The following ZNF692 variants were observed in gnomAD, a reference collection of about 807,000 sequenced individuals.
The protein encoded by ZNF692 is AICAR responsive element binding protein.
ZNF692 carries 41 observed loss-of-function variants against 49.0 expected under a neutral mutation model. The ratio of observed to expected loss-of-function variants is 0.84; its 90% CI spans 0.65 to 1.08. ZNF692 has a LOEUF of 1.08. ZNF692 is among the 50% of genes least tolerant of loss of function. The pLI is 0.00. For synonymous variants in ZNF692, 288 were observed against 251.5 expected (o/e 1.15, Z -1.37); for missense variants, 662 against 662.2 (o/e 1.00, Z 0.00).
At position 248,850,610 on chromosome 1, in the gene ZNF692, TATA is replaced by T. The variant is rs578119671; in HGVS notation, c.1253+69_1253+71del. On this transcript the variant is annotated intron_variant, in intron 11 of 11. Transcript: ENST00000306601. ...CCTGCTCCCCACTGCCTAGGTGTCCTATATGCCTAGCTTCCAGACTCCACCTCC... is the reference window on the plus strand; with the variant it reads ...CCTGCTCCCCACTGCCTAGGTGTCCTTGCCTAGCTTCCAGACTCCACCTCC... 2.8e-5 allele frequency: 45 copies of T among 1,603,434 alleles called. No individual in the cohort carries two copies. The East Asian group carries it at 8.7e-4, about 31-fold the overall frequency.
At position 248,855,797 on chromosome 1, in the gene ZNF692, G is replaced by T; in HGVS notation, c.809C>A (p.Pro270His). Residue 270 changes from proline (P) to histidine (H), a missense_variant, in exon 7 of 12, where the codon CCT becomes CAT. By Grantham distance (77) the Pro-to-His change is moderately conservative (BLOSUM62 -2). Transcript: ENST00000306601. ...CTGTGGCTGCACCCTGACTTCTGCAGGTGGAGGAGCTCTGGAACTCAATGA... is the reference window on the plus strand; with the variant it reads ...CTGTGGCTGCACCCTGACTTCTGCATGTGGAGGAGCTCTGGAACTCAATGA... The part of the protein sequence containing the change: ...ASSLSSRAPP[P>H]AEVRVQPQLS... 1 of 1,614,230 alleles carries T rather than the reference G, an allele frequency of 6.2e-7. No individual in the cohort carries two copies.
In ZNF692 at chr1:248,855,377, C is replaced by G; in HGVS notation, c.1038+3G>C. ...CACACAGGCCCCAACCTGTGCCCCT[C>G]ACATTCAAATACTGCCGGTTGGAGA... On this transcript the variant is annotated splice_donor_region_variant and intron_variant, in intron 9 of 11. Transcript: ENST00000306601. 3 of 1,614,160 alleles carry G rather than the reference C, an allele frequency of 1.9e-6. No individual in the cohort carries two copies. The highest frequency in any genetic ancestry group is 2.5e-6 in the Non-Finnish European group (3 of 1,180,014).
rs767656038 is a variant in ZNF692, at chr1:248,855,614, A to G, written c.903T>C (p.Ser301=). 1 of 1,614,222 alleles carries G rather than the reference A, an allele frequency of 6.2e-7. No individual in the cohort carries two copies. The highest frequency in any genetic ancestry group is 8.5e-7 in the Non-Finnish European group (1 of 1,180,034). The part of the protein sequence containing the change: ...ALASTGSQAQ[S]APTPAWDEDT... Reference sequence around the variant, plus strand: ...CCTCATCCCAGGCCGGGGTTGGAGCAGACTGGGCCTGACTCCCAGTGCTAC... The same window carrying G: ...CCTCATCCCAGGCCGGGGTTGGAGCGGACTGGGCCTGACTCCCAGTGCTAC... The change falls in exon 8 of 12, where the codon TCT becomes TCC. Residue 301 remains serine (S), a synonymous_variant. Transcript: ENST00000306601.
Position 248,853,980 on chromosome 1 carries a change from GAA to G in ZNF692, c.1108_1109del (p.Phe370GlnfsTer3). On this transcript the variant is annotated frameshift_variant, in exon 10 of 12. Transcript: ENST00000306601. LOFTEE classifies it high-confidence loss of function. ...SCPEPACGKS[F>X]NFKKHLKEHM... is the part of the protein sequence containing the mutation. Reference sequence around the variant, plus strand: ...GCTCCTTCAGGTGTTTCTTAAAGTTGAAAGACTTCCCACAGGCTGGCTCTGGG... The same window carrying G: ...GCTCCTTCAGGTGTTTCTTAAAGTTGAGACTTCCCACAGGCTGGCTCTGGG... 6.2e-7 allele frequency: 1 copy of G among 1,614,204 alleles called. No individual in the cohort carries two copies. The highest frequency in any genetic ancestry group is 8.5e-7 in the Non-Finnish European group (1 of 1,180,022).
At chr1:248,855,690 C>G (rs200437158) in intron 7 of ZNF692, 35 bp downstream of exon 7, 41 of 1,614,122 alleles carry the variant, frequency 2.5e-5, no homozygotes, top group East Asian at 6.7e-5. Flanking sequence ...CATCCCAGGA[C>G]GCCCCTGCCC....
In ZNF692 at chr1:248,855,412, C is replaced by T. The variant is rs1229160185; in HGVS notation, c.1006G>A (p.Gly336Arg). The change falls in exon 9 of 12, where the codon GGA becomes AGA. Residue 336 changes from glycine (G) to arginine (R), a missense_variant. Gly to Arg is a moderately radical substitution (Grantham distance 125). Coordinates refer to ENST00000306601, the MANE Select transcript of ZNF692 (RefSeq NM_017865.4). Reference protein sequence around the residue: ...ELMPCDFPGCGRIFSNRQYLN... With the variant: ...ELMPCDFPGCRRIFSNRQYLN... The stretch of plus-strand genomic sequence containing the variant: ...TACTGCCGGTTGGAGAAGATCCTTC[C>T]ACAGCCAGGGAAGTCACAAGGCATC... 1 of 1,614,048 alleles carries T rather than the reference C, an allele frequency of 6.2e-7. No homozygotes were observed. The highest frequency in any genetic ancestry group is 1.7e-5 in the Admixed American group (1 of 60,002).
In ZNF692 at chr1:248,854,058, A is replaced by T; in HGVS notation, c.1039-7T>A. The stretch of plus-strand genomic sequence containing the variant: ...GCTGGTACTTTTTGTGGTGCTAGAG[A>T]AGGAAGTGGGTGGTAGGGAGAGAAG... On this transcript the variant is annotated splice_polypyrimidine_tract_variant and splice_region_variant and intron_variant, in intron 9 of 11. Coordinates refer to ENST00000306601, the MANE Select transcript of ZNF692 (RefSeq NM_017865.4). The T allele has an allele frequency of 1.2e-6, 2 of 1,611,104 alleles. No homozygotes were observed. The highest frequency in any genetic ancestry group is 1.7e-6 in the Non-Finnish European group (2 of 1,177,314).
chr1:248,858,218 A>G lies in ZNF692; in HGVS notation c.92T>C (p.Leu31Pro). Residue 31 changes from leucine (L) to proline (P), a missense_variant, in exon 2 of 12, where the codon CTG (leucine) becomes CCG (proline). Coordinates refer to ENST00000306601, the MANE Select transcript of ZNF692 (RefSeq NM_017865.4). This position sits in a 1 kb window ranked among gnomAD's most constrained non-coding sequence, Gnocchi z 4.3. ...DARRSKCRIRLGGHMEQWCLL... is the reference protein window; with the variant it reads ...DARRSKCRIRPGGHMEQWCLL... Reference sequence around the variant, plus strand: ...GCACCACTGCTCCATGTGGCCGCCCAGGCGGATGCGGCACTTGCTGCGGCG... The same window carrying G: ...GCACCACTGCTCCATGTGGCCGCCCGGGCGGATGCGGCACTTGCTGCGGCG... 6.3e-7 allele frequency: 1 copy of G among 1,592,932 alleles called. No individual in the cohort carries two copies. The highest frequency in any genetic ancestry group is 8.5e-7 in the Non-Finnish European group (1 of 1,170,556).
At chr1:248,852,818 C>T (rs1308737164) in intron 10 of ZNF692, among the ~76,000 whole-genome samples, 1 of 152,202 alleles carries the variant, frequency 6.6e-6, no homozygotes, top group Non-Finnish European at 1.5e-5. Context: ...ACTCACCTGA[C>T]CTGCCCTCTG....
Position 248,858,136 on chromosome 1 carries a change from C to T in ZNF692, c.174G>A (p.Leu58=). Residue 58 remains leucine (L), a synonymous_variant, in exon 2 of 12, where the codon TTG becomes TTA. Coordinates refer to ENST00000306601, the MANE Select transcript of ZNF692 (RefSeq NM_017865.4). This position sits in a 1 kb window ranked among gnomAD's most constrained non-coding sequence, Gnocchi z 4.3. ...CCCTTCTCCCGGCCCCTAACCGGTCCAACAGGAACTTGGCGAGCTGCGAGT... is the reference window on the plus strand; with the variant it reads ...CCCTTCTCCCGGCCCCTAACCGGTCTAACAGGAACTTGGCGAGCTGCGAGT... ...SLHSQLAKFL[L]DRYTSSGCVL... is the part of the protein sequence containing the mutation. The T allele has an allele frequency of 6.4e-7, 1 of 1,566,342 alleles. No individual in the cohort carries two copies. Among genetic ancestry groups the T allele is most frequent in the Non-Finnish European group, 8.6e-7 (1 of 1,158,498 alleles).
chr1:248,853,955 G>C lies in ZNF692; in HGVS notation c.1135C>G (p.His379Asp). ...CACTCACCACTGTGCAGCTTCATGT[G>C]CTCCTTCAGGTGTTTCTTAAAGTTG... is the stretch of plus-strand genomic sequence containing the variant. ...SFNFKKHLKE[H>D]MKLHSDTRDY... Residue 379 changes from histidine (H) to aspartate (D), a missense_variant, in exon 10 of 12, where the codon CAC becomes GAC. His to Asp is a moderately conservative substitution (Grantham distance 81). Transcript: ENST00000306601. 6.2e-7 allele frequency: 1 copy of C among 1,613,930 alleles called. No individual in the cohort carries two copies. Among genetic ancestry groups the C allele is most frequent in the Non-Finnish European group, 8.5e-7 (1 of 1,179,812 alleles).
intron 3 of ZNF692, 154 bp from the exon 4 acceptor site, chr1:248,857,651 C>T (rs1660395924): frequency 6.8e-7 from 1 of 1,468,434 alleles, no homozygotes; most frequent in African/African-American, 1.4e-5. Flanking sequence ...ACACTAGATC[C>T]TGAGACATTG....
intron 10 of ZNF692, chr1:248,851,023 C>T (rs920116481): frequency 1.8e-5 from 12 of 649,516 alleles, no homozygotes; most frequent in African/African-American, 3.6e-5. Context: ...AGCCCCTGCC[C>T]GCCAATCCCA....
chr1:248,854,178 G>C (rs1659947907), intron 9 of ZNF692, 127 bp from the exon 10 acceptor site: 8 of 683,012 alleles, frequency 1.2e-5, no homozygotes, highest in Admixed American at 6.8e-5. Flanking sequence ...TGCCCCAGCA[G>C]TTCTCCCTGT....
In ZNF692 at chr1:248,859,082, A is replaced by G. The variant is rs1162564506; in HGVS notation, c.-177T>C. ...CTCGGCGTCGGCTGCTGTAGCCCGG[A>G]ACTGAGGCCCGCGCCCCAGAGGGAG... On this transcript the variant is annotated 5_prime_UTR_variant, in exon 1 of 12. Coordinates refer to ENST00000306601, the MANE Select transcript of ZNF692 (RefSeq NM_017865.4). 6.5e-6 allele frequency: 1 copy of G among 152,756 alleles called. No homozygotes were observed. The highest frequency in any genetic ancestry group is 1.5e-5 in the Non-Finnish European group (1 of 68,232). 9.5% of individuals were successfully genotyped at this position (152,756 alleles called of 1,614,324 possible). A position where few individuals can be genotyped will look rare whatever the true frequency, so the allele number is the denominator to read the frequency against.
chr1:248,857,241 C>T lies in ZNF692; in HGVS notation c.468G>A (p.Glu156=). 1 of 1,609,706 alleles carries T rather than the reference C, an allele frequency of 6.2e-7. No individual in the cohort carries two copies. The highest frequency in any genetic ancestry group is 8.5e-7 in the Non-Finnish European group (1 of 1,176,380). The change falls in exon 4 of 12, where the codon GAG becomes GAA. Residue 156 remains glutamate, a synonymous_variant. Coordinates refer to ENST00000306601, the MANE Select transcript of ZNF692 (RefSeq NM_017865.4). ...TGCTTTTTTCCAGCCTACCTGCAAG[C>T]TCCTGCCCACTCGTGGCCTCGGAAC... The part of the protein sequence containing the change: ...SWCSEATSGQ[E]LADLESEHDE...
At position 248,850,247 on chromosome 1, in the gene ZNF692, G is replaced by T; in HGVS notation, c.1523C>A (p.Ala508Glu). The change falls in exon 12 of 12, where the codon GCA becomes GAA. Residue 508 changes from alanine to glutamate, a missense_variant. Transcript: ENST00000306601. ...AAGCAGGGTTGGAGCCTGAGGAGAT[G>T]CAGAGGGCCTGGACCCCTCGCTGGA... ...LGSSEGSRPSASPQAPTLLPQ... is the reference protein window; with the variant it reads ...LGSSEGSRPSESPQAPTLLPQ... 1 of 1,559,566 alleles carries T rather than the reference G, an allele frequency of 6.4e-7. No individual in the cohort carries two copies. The highest frequency in any genetic ancestry group is 8.7e-7 in the Non-Finnish European group (1 of 1,152,226).
intron 10 of ZNF692, among the ~76,000 whole-genome samples, chr1:248,851,945 CA>C (rs1659650837): frequency 6.6e-6 from 1 of 152,222 alleles, no homozygotes; most frequent in Non-Finnish European, 1.5e-5. Context: ...GCTACATTTC[CA>C]CAGCCATCTT....
Position 248,858,900 on chromosome 1 carries a change from C to G in ZNF692, c.-13+18G>C, listed in dbSNP as rs957957384. 3.2e-6 allele frequency: 1 copy of G among 311,966 alleles called. No individual in the cohort carries two copies. The highest frequency in any genetic ancestry group is 2.1e-5 in the African/African-American group (1 of 46,680). 19.3% of individuals were successfully genotyped at this position (311,966 alleles called of 1,614,324 possible). On this transcript the variant is annotated intron_variant, in intron 1 of 11. Coordinates refer to ENST00000306601, the MANE Select transcript of ZNF692 (RefSeq NM_017865.4). This position sits in a 1 kb window ranked among gnomAD's most constrained non-coding sequence, Gnocchi z 4.3. ...TGCCCAGAGCCCCCGTCGCGACCCACCCCCACCCCGGCCTTACCTGTGCGC... is the reference window on the plus strand; with the variant it reads ...TGCCCAGAGCCCCCGTCGCGACCCAGCCCCACCCCGGCCTTACCTGTGCGC...
Sources: gnomAD v4.1 joint callset for allele counts (sites outside exome capture counted in the v4.1 genomes callset) on GRCh38, gnomAD v4.1.1 for gene constraint, Gnocchi (gnomAD v3.1) non-coding constraint, MANE v1.5 for transcripts, NCBI Gene and HGNC (gene_info 2026-07-23, HGNC 2026-07-21) for gene names.